FAM135B: variants seen among roughly 807,000 people sequenced by gnomAD.
FAM135B encodes family with sequence similarity 135 member B.
A neutral mutation model predicts 127.7 loss-of-function variants in FAM135B; 43 were observed. The observed-to-expected ratio is 0.34, with a 90% CI of 0.26 to 0.43. The LOEUF (loss-of-function observed/expected upper bound fraction) is 0.43, where lower values mean the gene tolerates loss of function less well. FAM135B is among the 20% of genes least tolerant of loss of function. FAM135B has a pLI of 1.00. For synonymous variants in FAM135B, 670 were observed against 665.1 expected (o/e 1.01, Z -0.11); for missense variants, 1,558 against 1,725.6 (o/e 0.90, Z 1.72).
intron 3 of FAM135B, among the ~76,000 whole-genome samples, chr8:138,273,583 C>T (rs1415550587): frequency 6.6e-6 from 1 of 152,174 alleles, no homozygotes; most frequent in East Asian, 1.9e-4. Flanking sequence ...CTGAATGGAG[C>T]ATGGAGCATC....
chr8:138,265,978 T>C (rs1266474519), intron 3 of FAM135B, 136 bp from the exon 4 acceptor site: 1 of 825,826 alleles, frequency 1.2e-6, no homozygotes, highest in Admixed American at 2.7e-5. Context: ...AAAATCACAG[T>C]AAATGAGACC....
At position 138,496,931 on chromosome 8, in the gene FAM135B, C is replaced by G. The variant is rs560250685; in HGVS notation, c.-280G>C. The G allele has an allele frequency of 3.9e-5, 6 of 152,218 alleles. No homozygotes were observed. In the East Asian group the frequency reaches 1.2e-3, roughly 30 times the overall value. The allele number at this position is 152,218 out of a possible 1,614,324, so 9.4% of individuals were successfully genotyped here. On this transcript the variant is annotated 5_prime_UTR_variant, in exon 1 of 20. Coordinates refer to ENST00000395297, the MANE Select transcript of FAM135B (RefSeq NM_015912.4). Reference sequence around the variant, plus strand: ...TGGTTATGGAACCCCGCAACTGCCCCCCTCTCCGTGCAACAGCTGCCCGGC... The same window carrying G: ...TGGTTATGGAACCCCGCAACTGCCCGCCTCTCCGTGCAACAGCTGCCCGGC...
In FAM135B at chr8:138,220,720, C is replaced by T. The variant is rs557794547; in HGVS notation, c.669+22222G>A. On this transcript the variant is annotated intron_variant, in intron 7 of 19. Transcript: ENST00000395297. ...ATCACTTCTATACCACAAGAACTCC[C>T]CCCAACTATTTCGAGTCCTGTGTTC... Among the ~76,000 whole-genome samples the T allele has an allele frequency of 2.2e-4, 33 of 152,214 alleles. 1 individual carries two copies. Among genetic ancestry groups the T allele is most frequent in the Admixed American group, 7.9e-4 (12 of 15,282 alleles).
rs142410720 is a variant in FAM135B, at chr8:138,317,801, G to C, written c.78-6881C>G. Reference sequence around the variant, plus strand: ...TGCTTTCGATGGATATACGGGACAAGAAACAATAACCTACCATCAGAAAAT... The same window carrying C: ...TGCTTTCGATGGATATACGGGACAACAAACAATAACCTACCATCAGAAAAT... On this transcript the variant is annotated intron_variant, in intron 2 of 19. Coordinates refer to ENST00000395297, the MANE Select transcript of FAM135B (RefSeq NM_015912.4). Among the ~76,000 whole-genome samples the C allele has an allele frequency of 2.3e-3, 349 of 152,300 alleles. 1 individual carries two copies. The highest frequency in any genetic ancestry group is 7.9e-3 in the African/African-American group (330 of 41,566).
intron 12 of FAM135B, among the ~76,000 whole-genome samples, chr8:138,166,994 C>T (rs185244173): frequency 6.6e-6 from 1 of 152,052 alleles, no homozygotes; most frequent in East Asian, 1.9e-4. Flanking sequence ...AGACACCATC[C>T]CATCTCAGGG....
intron 1 of FAM135B, among the ~76,000 whole-genome samples, chr8:138,414,493 T>C (rs1459067914): frequency 6.6e-6 from 1 of 152,172 alleles, no homozygotes; most frequent in Non-Finnish European, 1.5e-5. Context: ...TGCATTAGAA[T>C]TGCAGACATA....
intron 2 of FAM135B, among the ~76,000 whole-genome samples, chr8:138,340,257 T>C (rs192582197): frequency 2.0e-5 from 3 of 152,038 alleles, no homozygotes; most frequent in Admixed American, 2.0e-4. Flanking sequence ...AAAATAATAA[T>C]GCCACACCAG....
intron 12 of FAM135B, among the ~76,000 whole-genome samples, chr8:138,163,382 T>C (rs3897732): frequency 0.35 from 52,568 of 151,922 alleles, 9,426 homozygotes; most frequent in East Asian, 0.59. Flanking sequence ...GCAGCGTGCC[T>C]GGCACATGGC....
At chr8:138,146,154 G>T in intron 14 of FAM135B, 104 bp from the exon 15 acceptor site, 1 of 644,232 alleles carries the variant, frequency 1.6e-6, no homozygotes, top group Non-Finnish European at 2.8e-6. Flanking sequence ...ATTTCTACTG[G>T]GTTTTGTCAC....
At chr8:138,197,101 GTGTGTGTGTGTGTGTGTA>G (rs746926176) in intron 8 of FAM135B, among the ~76,000 whole-genome samples, 5,362 of 119,920 alleles carry the variant, frequency 0.045, 300 homozygotes, top group African/African-American at 0.15. Context: ...GTGTGTGTGT[GTGTGTGTGTGTGTGTGTA>G]TATATATAGT....
At chr8:138,444,443 C>T (rs181891226) in intron 1 of FAM135B, among the ~76,000 whole-genome samples, 2 of 152,276 alleles carry the variant, frequency 1.3e-5, no homozygotes, top group African/African-American at 2.4e-5. Flanking sequence ...GAAATTATCA[C>T]AAACTCTCTC....
At chr8:138,290,187 C>G (rs1824999706) in intron 3 of FAM135B, among the ~76,000 whole-genome samples, 1 of 152,158 alleles carries the variant, frequency 6.6e-6, no homozygotes, top group Non-Finnish European at 1.5e-5. Context: ...AGCCTGCCCA[C>G]CCTTGGCAGG....
Position 138,367,846 on chromosome 8 carries a change from G to A in FAM135B, c.77+61C>T, listed in dbSNP as rs891158048. ...CTTCCCCACCTCCACCTTCTTCCAC[G>A]GAAAGAAACAAACAACACACACACA... On this transcript the variant is annotated intron_variant, in intron 2 of 19. Transcript: ENST00000395297. The A allele has an allele frequency of 2.1e-5, 27 of 1,271,146 alleles. No individual in the cohort carries two copies. The East Asian group carries it at 4.6e-4, about 21-fold the overall frequency. The allele number at this position is 1,271,146 out of a possible 1,614,324, so 78.7% of individuals were successfully genotyped here.
chr8:138,430,269 A>G (rs1835121779), intron 1 of FAM135B, among the ~76,000 whole-genome samples: 1 of 152,134 alleles, frequency 6.6e-6, no homozygotes, highest in Non-Finnish European at 1.5e-5. Flanking sequence ...ATCACCTGTT[A>G]TGTGCCACAC....
intron 1 of FAM135B, among the ~76,000 whole-genome samples, chr8:138,410,240 C>T (rs564341718): frequency 3.9e-5 from 6 of 152,286 alleles, no homozygotes; most frequent in African/African-American, 1.4e-4. Context: ...CATAAAATGA[C>T]CACACCCCTG....
At chr8:138,341,953 C>G (rs1184612290) in intron 2 of FAM135B, among the ~76,000 whole-genome samples, 1 of 152,014 alleles carries the variant, frequency 6.6e-6, no homozygotes, top group Non-Finnish European at 1.5e-5. Context: ...ATTTTAGGTG[C>G]AGGGAGTAAA....
At chr8:138,387,401 A>C (rs1221634734) in intron 1 of FAM135B, among the ~76,000 whole-genome samples, 1 of 152,176 alleles carries the variant, frequency 6.6e-6, no homozygotes, top group East Asian at 1.9e-4. Context: ...TCCATCCAGT[A>C]GACATATAGA....
At chr8:138,244,405 G>A (rs1182354270) in intron 6 of FAM135B, among the ~76,000 whole-genome samples, 2 of 149,172 alleles carry the variant, frequency 1.3e-5, no homozygotes, top group Non-Finnish European at 2.9e-5. Flanking sequence ...TGTGTGACCT[G>A]AGGCAAGTTT....
At chr8:138,438,688 G>C (rs961661610) in intron 1 of FAM135B, 4 of 152,154 alleles carry the variant, frequency 2.6e-5, no homozygotes, top group Admixed American at 2.6e-4. Flanking sequence ...AGAAGTAAAA[G>C]GATTCTGGCA....
Sources: gnomAD v4.1 joint callset for allele counts (sites outside exome capture counted in the v4.1 genomes callset) on GRCh38, gnomAD v4.1.1 for gene constraint, MANE v1.5 for transcripts, NCBI Gene and HGNC (gene_info 2026-07-23, HGNC 2026-07-21) for gene names.